The following TGM6 variants were observed in gnomAD, a reference collection of about 807,000 sequenced individuals.
TGM6 encodes the protein transglutaminase 6.
TGM6 carries 74 observed loss-of-function variants against 77.5 expected under a neutral mutation model. The ratio of observed to expected loss-of-function variants is 0.96; its 90% CI spans 0.79 to 1.16. The LOEUF (loss-of-function observed/expected upper bound fraction) is 1.16. Ranked by LOEUF, TGM6 falls within the 50% of genes most tolerant of loss-of-function variation. The pLI, the probability that TGM6 is intolerant of heterozygous loss-of-function variation, is 0.00. For missense variants in TGM6, 968 were observed against 940.2 expected, an observed-to-expected ratio of 1.03 and a Z score of -0.39; for synonymous variants, 383 against 378.9, an observed-to-expected ratio of 1.01 and a Z score of -0.12.
At chr20:2,396,908 A>C (rs1338587026) in intron 4 of TGM6, among the ~76,000 whole-genome samples, 1 of 152,194 alleles carries the variant, frequency 6.6e-6, no homozygotes, top group Non-Finnish European at 1.5e-5. Context: ...ACGAGCGTAC[A>C]TCAGAATCCC....
At chr20:2,406,285 C>T (rs962199245) in intron 9 of TGM6, among the ~76,000 whole-genome samples, 11 of 152,142 alleles carry the variant, frequency 7.2e-5, no homozygotes, top group South Asian at 2.1e-4. Context: ...GAACTTAGAA[C>T]GTGGGGTCTA....
chr20:2,388,265 C>A (rs1483569694), intron 1 of TGM6, among the ~76,000 whole-genome samples: 1 of 152,204 alleles, frequency 6.6e-6, no homozygotes, highest in Non-Finnish European at 1.5e-5. Flanking sequence ...ATGCTGGAAT[C>A]TTTAAAAAGC....
intron 1 of TGM6, among the ~76,000 whole-genome samples, chr20:2,386,689 T>C (rs574121862): frequency 9.5e-4 from 144 of 152,114 alleles, no homozygotes; most frequent in Non-Finnish European, 1.6e-3. Context: ...GTCTCTGAGA[T>C]TCCAGGACAA....
intron 9 of TGM6, among the ~76,000 whole-genome samples, chr20:2,416,591 C>A (rs979493685): frequency 7.9e-5 from 12 of 152,134 alleles, no homozygotes; most frequent in African/African-American, 2.9e-4. Context: ...CAGGTGATTG[C>A]CTTGAAAAGG....
intron 7 of TGM6, among the ~76,000 whole-genome samples, chr20:2,401,796 T>C (rs2084711471): frequency 6.6e-6 from 1 of 152,200 alleles, no homozygotes; most frequent in Admixed American, 6.5e-5. Flanking sequence ...AAAGCCATTG[T>C]TCATCTAACC....
chr20:2,431,060 G>A lies in TGM6; in HGVS notation c.1967+33G>A, dbSNP rs779257169. 6 of 1,605,868 alleles carry A rather than the reference G, an allele frequency of 3.7e-6. No individual in the cohort carries two copies. In the Admixed American group the frequency reaches 1.0e-4, roughly 27 times the overall value. On this transcript the variant is annotated intron_variant, in intron 12 of 12. Coordinates refer to ENST00000202625, the MANE Select transcript of TGM6 (RefSeq NM_198994.3). The stretch of plus-strand genomic sequence containing the variant: ...CCAGCCTGGGGGGCTGGCAGGGAAT[G>A]GGGCTCTCTTCCTTGTGGATGAGCC...
Position 2,430,460 on chromosome 20 carries a change from A to G in TGM6, c.1693A>G (p.Ile565Val). 6.2e-7 allele frequency: 1 copy of G among 1,614,208 alleles called. No homozygotes were observed. Among genetic ancestry groups the G allele is most frequent in the Non-Finnish European group, 8.5e-7 (1 of 1,180,034 alleles). ...TTCCCTTCCAGAGAAGAGAATCCCAATTACAATATCTTACTCTAAGTATAA... is the reference window on the plus strand; with the variant it reads ...TTCCCTTCCAGAGAAGAGAATCCCAGTTACAATATCTTACTCTAAGTATAA... Reference protein sequence around the residue: ...LGPQEEKRIPITISYSKYKED... With the variant: ...LGPQEEKRIPVTISYSKYKED... Residue 565 changes from isoleucine to valine, a missense_variant, in exon 11 of 13, where the codon ATT becomes GTT. By Grantham distance (29) the Ile-to-Val change is conservative (BLOSUM62 3). Transcript: ENST00000202625.
At chr20:2,410,911 A>G (rs2084780739) in intron 9 of TGM6, among the ~76,000 whole-genome samples, 1 of 152,256 alleles carries the variant, frequency 6.6e-6, no homozygotes, top group African/African-American at 2.4e-5. Flanking sequence ...TCAAAAAGAA[A>G]TAGAAAATCT....
chr20:2,417,190 G>GC, intron 9 of TGM6, 42 bp from the exon 10 acceptor site: 3 of 1,543,308 alleles, frequency 1.9e-6, no homozygotes, highest in Non-Finnish European at 2.6e-6. Flanking sequence ...AATTAAAGGA[G>GC]CAAGGGGGTG....
chr20:2,392,036 T>C (rs1453050820), intron 1 of TGM6, among the ~76,000 whole-genome samples: 1 of 152,216 alleles, frequency 6.6e-6, no homozygotes, highest in African/African-American at 2.4e-5. Context: ...ATCTAACTAC[T>C]TGAGTTTAGG....
chr20:2,427,461 T>TTGACTTTAC (rs1310421578), intron 10 of TGM6, among the ~76,000 whole-genome samples: 9 of 152,178 alleles, frequency 5.9e-5, no homozygotes, highest in African/African-American at 1.9e-4. Flanking sequence ...TAGAGGCTTA[T>TTGACTTTAC]TGACTTTACT....
At chr20:2,407,768 T>A (rs989070535) in intron 9 of TGM6, among the ~76,000 whole-genome samples, 1 of 152,186 alleles carries the variant, frequency 6.6e-6, no homozygotes, top group Non-Finnish European at 1.5e-5. Flanking sequence ...AGACTGCACA[T>A]CTTCGCTGAG....
chr20:2,381,578 G>C (rs1010478878), intron 1 of TGM6, among the ~76,000 whole-genome samples: 1 of 152,184 alleles, frequency 6.6e-6, no homozygotes, highest in African/African-American at 2.4e-5. Context: ...CACGTGTGCT[G>C]TTCTCCCACC....
chr20:2,423,221 G>T (rs146054862), intron 10 of TGM6, among the ~76,000 whole-genome samples: 1 of 151,740 alleles, frequency 6.6e-6, no homozygotes, highest in Non-Finnish European at 1.5e-5. Flanking sequence ...AACGAAATTC[G>T]CCACATTGAA....
Position 2,399,502 on chromosome 20 carries a change from T to C in TGM6, c.673-59T>C, listed in dbSNP as rs1465084777. 2.5e-6 allele frequency: 4 copies of C among 1,611,078 alleles called. No individual in the cohort carries two copies. The Admixed American group carries it at 6.7e-5, about 27-fold the overall frequency. ...AAAGTTGGACAGGATTTGACCACGA[T>C]GCGGTTCTTGAGGTAGGAAGCCCTG... On this transcript the variant is annotated intron_variant, in intron 5 of 12. Transcript: ENST00000202625.
intron 9 of TGM6, among the ~76,000 whole-genome samples, chr20:2,412,604 CAT>C (rs2084791602): frequency 6.6e-6 from 1 of 151,996 alleles, no homozygotes; most frequent in African/African-American, 2.4e-5. Flanking sequence ...GAAATTTGCA[CAT>C]GACATAATTT....
intron 1 of TGM6, among the ~76,000 whole-genome samples, chr20:2,391,778 G>T (rs1376409873): frequency 6.6e-6 from 1 of 152,046 alleles, no homozygotes; most frequent in Non-Finnish European, 1.5e-5. Context: ...ACAATATTTG[G>T]CTGACTACGG....
At position 2,396,633 on chromosome 20, in the gene TGM6, G is replaced by A. The variant is rs373572401; in HGVS notation, c.543+9G>A. The A allele has an allele frequency of 2.5e-6, 4 of 1,613,726 alleles. No homozygotes were observed. The highest frequency in any genetic ancestry group is 3.4e-6 in the Non-Finnish European group (4 of 1,179,768). The stretch of plus-strand genomic sequence containing the variant: ...GCTGGAACTACGGGCAGGTCTCCAG[G>A]GGCACAGGCCAGACAAGGATGTGGG... On this transcript the variant is annotated intron_variant, in intron 4 of 12. Transcript: ENST00000202625.
At chr20:2,413,809 T>C (rs1438417613) in intron 9 of TGM6, among the ~76,000 whole-genome samples, 3 of 152,186 alleles carry the variant, frequency 2.0e-5, no homozygotes, top group African/African-American at 4.8e-5. Flanking sequence ...GAAGAAAACA[T>C]AGGAGTAAAT....
Sources: gnomAD v4.1 joint callset for allele counts (sites outside exome capture counted in the v4.1 genomes callset) on GRCh38, gnomAD v4.1.1 for gene constraint, MANE v1.5 for transcripts, NCBI Gene and HGNC (gene_info 2026-07-23, HGNC 2026-07-21) for gene names.